NF2: variants seen among roughly 807,000 people sequenced by gnomAD.
The protein encoded by NF2 is merlin.
Under a neutral mutation model 83.7 loss-of-function variants are expected in NF2, and 8 were observed. The observed-to-expected ratio is 0.10, with a 90% CI of 0.06 to 0.17. NF2 has a LOEUF of 0.17. NF2 is among the 10% of genes least tolerant of loss of function. NF2 has a pLI of 1.00. For missense variants in NF2, 533 were observed against 744.4 expected (o/e 0.72, Z 3.31); for synonymous variants, 266 against 269.6 (o/e 0.99, Z 0.13).
At chr22:29,663,411 C>T (rs1368598000) in intron 8 of NF2, among the ~76,000 whole-genome samples, 2 of 152,242 alleles carry the variant, frequency 1.3e-5, no homozygotes, top group East Asian at 3.8e-4. Context: ...AGTAAGCAGA[C>T]CCCAAGCTGA....
At chr22:29,614,733 C>T (rs2065040948) in intron 1 of NF2, among the ~76,000 whole-genome samples, 1 of 151,782 alleles carries the variant, frequency 6.6e-6, no homozygotes, top group Non-Finnish European at 1.5e-5. Context: ...GTCTCCATCC[C>T]CCACCCAAAA....
At chr22:29,686,182 A>G (rs556179154) in intron 15 of NF2, among the ~76,000 whole-genome samples, 13 of 152,384 alleles carry the variant, frequency 8.5e-5, no homozygotes, top group Admixed American at 3.3e-4. Flanking sequence ...GTCAGAGCTC[A>G]GTAAGGGGTT....
At chr22:29,611,757 A>G (rs1022592286) in intron 1 of NF2, among the ~76,000 whole-genome samples, 4 of 152,210 alleles carry the variant, frequency 2.6e-5, no homozygotes, top group Admixed American at 2.6e-4. Context: ...CTACCAAAGT[A>G]TTGGAACTAA....
intron 7 of NF2, 89 bp from the exon 8 acceptor site, chr22:29,661,116 T>C: frequency 6.3e-7 from 1 of 1,577,750 alleles, no homozygotes; most frequent in South Asian, 1.1e-5. Context: ...TTGTCACATG[T>C]GACAGTGTGT....
At chr22:29,665,992 C>G (rs2066612052) in intron 9 of NF2, among the ~76,000 whole-genome samples, 1 of 152,044 alleles carries the variant, frequency 6.6e-6, no homozygotes, top group Non-Finnish European at 1.5e-5. Context: ...TAAATGCTGT[C>G]AAGTATATAT....
intron 15 of NF2, among the ~76,000 whole-genome samples, chr22:29,687,087 A>G (rs943790538): frequency 2.6e-5 from 4 of 152,156 alleles, no homozygotes; most frequent in African/African-American, 9.7e-5. Flanking sequence ...TCTTTCTTTC[A>G]TCGCTTCTCA....
intron 1 of NF2, among the ~76,000 whole-genome samples, chr22:29,611,588 A>G (rs181098720): frequency 6.6e-6 from 1 of 152,180 alleles, no homozygotes. Context: ...AAAAAGAGAG[A>G]TAAGTCTACT....
rs1468903871 is a variant in NF2, at chr22:29,696,880, G to A, written c.*2078G>A. The stretch of plus-strand genomic sequence containing the variant: ...CGCCCAGGCTGGAGTGCAGTGTCAC[G>A]ATCTCAGCTCACTGCAACCTCCGCC... On this transcript the variant is annotated 3_prime_UTR_variant, in exon 16 of 16. Coordinates refer to ENST00000338641, the MANE Select transcript of NF2 (RefSeq NM_000268.4). The A allele has an allele frequency of 2.3e-5, 4 of 173,398 alleles. No individual in the cohort carries two copies. The highest frequency in any genetic ancestry group is 1.9e-4 in the East Asian group (2 of 10,264). The allele number at this position is 173,398 out of a possible 1,614,324, so 10.7% of individuals were successfully genotyped here.
rs1010935085 is a variant in NF2 at position 29,698,547 on chromosome 22, G to A, written c.*3745G>A. The A allele has an allele frequency of 4.7e-5, 9 of 193,030 alleles. No homozygotes were observed. Among genetic ancestry groups the A allele is most frequent in the African/African-American group, 1.9e-4 (8 of 43,050 alleles). The allele number at this position is 193,030 out of a possible 1,614,324, so 12.0% of individuals were successfully genotyped here. A position where few individuals can be genotyped will look rare whatever the true frequency, so the allele number is the denominator to read the frequency against. On this transcript the variant is annotated 3_prime_UTR_variant, in exon 16 of 16. Transcript: ENST00000338641. ...CATAGAAGGCTATTTTCTATTCTGG[G>A]GAACGATTATAACTTAAATGATTGT...
At chr22:29,655,984 G>A (rs2066294531) in intron 6 of NF2, among the ~76,000 whole-genome samples, 1 of 151,490 alleles carries the variant, frequency 6.6e-6, no homozygotes. Context: ...TGTTGTCCAG[G>A]CTGAAATGCA....
At chr22:29,653,349 C>T (rs544152507) in intron 4 of NF2, among the ~76,000 whole-genome samples, 1 of 148,994 alleles carries the variant, frequency 6.7e-6, no homozygotes, top group South Asian at 2.1e-4. Flanking sequence ...GATACTGAGG[C>T]AGGAGAATTG....
chr22:29,665,406 G>C (rs890800755), intron 9 of NF2, among the ~76,000 whole-genome samples: 1 of 151,974 alleles, frequency 6.6e-6, no homozygotes, highest in Non-Finnish European at 1.5e-5. Flanking sequence ...ACCATGCCCA[G>C]CTAATTTTTG....
intron 15 of NF2, among the ~76,000 whole-genome samples, chr22:29,690,897 G>A (rs1332227767): frequency 6.6e-6 from 1 of 152,220 alleles, no homozygotes; most frequent in Non-Finnish European, 1.5e-5. Context: ...GGGCCTGGCT[G>A]CGGGACTCCC....
At chr22:29,610,337 C>A (rs2064916626) in intron 1 of NF2, among the ~76,000 whole-genome samples, 1 of 151,700 alleles carries the variant, frequency 6.6e-6, no homozygotes, top group East Asian at 1.9e-4. Flanking sequence ...CAGAGTGAGA[C>A]CCTGTCTCTT....
intron 10 of NF2, among the ~76,000 whole-genome samples, chr22:29,668,947 T>C (rs546963341): frequency 2.6e-5 from 4 of 152,382 alleles, no homozygotes; most frequent in Non-Finnish European, 5.9e-5. Flanking sequence ...CAGGAGCATC[T>C]ATCAGCAGAC....
chr22:29,657,621 G>T (rs2066351580), intron 6 of NF2, among the ~76,000 whole-genome samples: 1 of 152,198 alleles, frequency 6.6e-6, no homozygotes, highest in Non-Finnish European at 1.5e-5. Flanking sequence ...TATGATACCT[G>T]TTTGGGAGTT....
intron 1 of NF2, among the ~76,000 whole-genome samples, chr22:29,614,358 C>T (rs1569266717): frequency 6.6e-6 from 1 of 151,960 alleles, no homozygotes; most frequent in Non-Finnish European, 1.5e-5. Context: ...GTGGGTGGCT[C>T]ACGAGGTCAG....
intron 1 of NF2, among the ~76,000 whole-genome samples, chr22:29,610,916 C>G (rs1474379653): frequency 6.6e-6 from 1 of 151,996 alleles, no homozygotes; most frequent in Non-Finnish European, 1.5e-5. Context: ...AGCAAAAATC[C>G]TCAACAAAAA....
rs577940601 is a variant in NF2, at chr22:29,671,938, A to G, written c.1112A>G (p.Asn371Ser). ...LQMKEEATMA[N>S]EALMRSEETA... ...ATGAAAGAAGAAGCAACAATGGCCAACGAAGCACTGGTGATTTCTGAGGGG... is the reference window on the plus strand; with the variant it reads ...ATGAAAGAAGAAGCAACAATGGCCAGCGAAGCACTGGTGATTTCTGAGGGG... The change falls in exon 11 of 16, where the codon AAC (asparagine) becomes AGC (serine). Residue 371 changes from asparagine (N) to serine (S), a missense_variant. Asn to Ser is a conservative substitution (Grantham distance 46). Transcript: ENST00000338641. The G allele has an allele frequency of 8.7e-6, 14 of 1,614,212 alleles. No homozygotes were observed. The South Asian group carries it at 8.8e-5, about 10-fold the overall frequency.
Sources: allele counts gnomAD v4.1 joint callset (sites outside exome capture counted in the v4.1 genomes callset), GRCh38; gene constraint gnomAD v4.1.1; transcripts MANE v1.5; gene names NCBI Gene and HGNC (gene_info 2026-07-23, HGNC 2026-07-21).